The following QTGAL variants were observed in gnomAD, a reference collection of about 807,000 sequenced individuals.
QTGAL encodes the protein queuosine-tRNA galactosyltransferase, also known as BGnT-like protein 1.
the QTGAL span, among the ~76,000 whole-genome samples, chr17:82,997,941 A>ATCTC: frequency 6.8e-6 from 1 of 147,818 alleles, no homozygotes; most frequent in African/African-American, 2.5e-5. Context: ...ATATATATAT[A>ATCTC]TATATATCTA....
At chr17:82,999,632 G>A in the QTGAL span, among the ~76,000 whole-genome samples, 6 of 152,180 alleles carry the variant, frequency 3.9e-5, no homozygotes, top group African/African-American at 7.2e-5. Flanking sequence ...GGAAAGAAAA[G>A]CTTATTAAGA....
chr17:83,044,736 G>C, the QTGAL span, among the ~76,000 whole-genome samples: 1 of 152,214 alleles, frequency 6.6e-6, no homozygotes, highest in African/African-American at 2.4e-5. Flanking sequence ...CTGAGGTCAG[G>C]AGTTTGAGAC....
the QTGAL span, among the ~76,000 whole-genome samples, chr17:83,021,225 G>A: frequency 4.6e-5 from 7 of 152,250 alleles, no homozygotes; most frequent in East Asian, 1.2e-3. Flanking sequence ...TCAGTATAAT[G>A]AACTGAACCA....
the QTGAL span, among the ~76,000 whole-genome samples, chr17:83,037,746 GGA>G: frequency 6.6e-6 from 1 of 152,230 alleles, no homozygotes; most frequent in East Asian, 1.9e-4. The surrounding 1 kb of genome is among the most constrained non-coding windows in gnomAD (Gnocchi z 5.2). Flanking sequence ...TCAGGTTTCA[GGA>G]GAGAAGGGTA....
At chr17:83,010,040 C>T in the QTGAL span, among the ~76,000 whole-genome samples, 1 of 41,762 alleles carries the variant, frequency 2.4e-5, no homozygotes, top group African/African-American at 9.7e-5. Context: ...GGGGGCTGCC[C>T]GGCGGGGGGC....
the QTGAL span, among the ~76,000 whole-genome samples, chr17:82,972,362 T>TAGGGGCC: frequency 4.4e-5 from 2 of 45,336 alleles, no homozygotes; most frequent in Non-Finnish European, 7.9e-5. Flanking sequence ...CCACAGGGGA[T>TAGGGGCC]AGAAGGACCC....
At chr17:82,961,365 C>T in the QTGAL span, 40 of 387,630 alleles carry the variant, frequency 1.0e-4, no homozygotes, top group African/African-American at 1.5e-4. Flanking sequence ...CGTGAGCAAC[C>T]GAGCTTCTCC....
the QTGAL span, among the ~76,000 whole-genome samples, chr17:83,009,914 T>C: frequency 2.1e-5 from 3 of 140,172 alleles, no homozygotes; most frequent in Non-Finnish European, 4.7e-5. Flanking sequence ...TGCCTTGGAG[T>C]GAACGACTTG....
chr17:83,034,103 G>C, the QTGAL span, among the ~76,000 whole-genome samples: 1 of 152,068 alleles, frequency 6.6e-6, no homozygotes, highest in African/African-American at 2.4e-5. Context: ...ACCACGCCTG[G>C]CTAATTTCGT....
the QTGAL span, among the ~76,000 whole-genome samples, chr17:82,968,226 G>C: frequency 6.6e-6 from 1 of 152,126 alleles, no homozygotes; most frequent in Non-Finnish European, 1.5e-5. Flanking sequence ...GTGTGTTCAC[G>C]GCAGCTCCAC....
the QTGAL span, among the ~76,000 whole-genome samples, chr17:83,029,915 A>G: frequency 6.6e-6 from 1 of 152,174 alleles, no homozygotes; most frequent in Admixed American, 6.5e-5. Flanking sequence ...CTTGCAACCT[A>G]TCTTCCTGCT....
chr17:82,968,047 A>T, the QTGAL span, among the ~76,000 whole-genome samples: 1 of 152,246 alleles, frequency 6.6e-6, no homozygotes, highest in Non-Finnish European at 1.5e-5. Flanking sequence ...CAGAGCAGGC[A>T]GGCTCTTAGA....
the QTGAL span, among the ~76,000 whole-genome samples, chr17:83,044,605 C>T: frequency 6.6e-6 from 1 of 152,226 alleles, no homozygotes; most frequent in East Asian, 1.9e-4. Context: ...CCCACTTTCA[C>T]CACTTCTATT....
chr17:82,993,227 C>T, the QTGAL span, among the ~76,000 whole-genome samples: 1 of 152,026 alleles, frequency 6.6e-6, no homozygotes, highest in African/African-American at 2.4e-5. Context: ...CTACAAGAAA[C>T]ACACCTGGCT....
the QTGAL span, among the ~76,000 whole-genome samples, chr17:83,029,283 G>A: frequency 6.6e-6 from 1 of 152,218 alleles, no homozygotes; most frequent in Admixed American, 6.5e-5. Flanking sequence ...AACGCGGATG[G>A]ACCTTAACAA....
chr17:83,018,126 C>T, the QTGAL span, among the ~76,000 whole-genome samples: 12 of 151,696 alleles, frequency 7.9e-5, no homozygotes, highest in African/African-American at 2.4e-4. Context: ...TCCACAAACA[C>T]GGTGCACCTG....
chr17:82,961,722 A>G, the QTGAL span, among the ~76,000 whole-genome samples: 2 of 152,260 alleles, frequency 1.3e-5, no homozygotes, highest in African/African-American at 4.8e-5. Context: ...CCAAGCTCAG[A>G]AACTTGAACC....
chr17:83,032,888 C>T, the QTGAL span, among the ~76,000 whole-genome samples: 2 of 152,222 alleles, frequency 1.3e-5, no homozygotes, highest in South Asian at 2.1e-4. Context: ...CGTCTGCACA[C>T]GGGCACGCCT....
chr17:83,037,891 C>T, the QTGAL span, among the ~76,000 whole-genome samples: 260 of 152,224 alleles, frequency 1.7e-3, 1 homozygote, highest in African/African-American at 5.5e-3. The surrounding 1 kb of genome is among the most constrained non-coding windows in gnomAD (Gnocchi z 5.2). Context: ...CAAATGTTTG[C>T]GTGGGGCTCC....
Sources: gnomAD v4.1 joint callset for allele counts (sites outside exome capture counted in the v4.1 genomes callset) on GRCh38, gnomAD v4.1.1 for gene constraint, Gnocchi (gnomAD v3.1) non-coding constraint, MANE v1.5 for transcripts, NCBI Gene and HGNC (gene_info 2026-07-23, HGNC 2026-07-21) for gene names.